The following COL25A1 variants were observed in gnomAD, a reference collection of about 807,000 sequenced individuals.
The protein encoded by COL25A1 is collagen type XXV alpha 1 chain, also known as collagen alpha-1(XXV) chain.
COL25A1 carries 103 observed loss-of-function variants against 128.4 expected under a neutral mutation model. The observed-to-expected ratio is 0.80, with a 90% CI of 0.68 to 0.94. COL25A1 has a LOEUF of 0.94. COL25A1 is among the 40% of genes least tolerant of loss of function. COL25A1 has a pLI of 0.00. For missense variants in COL25A1, 745 were observed against 840.0 expected (o/e 0.89, Z 1.40); for synonymous variants, 279 against 277.2 (o/e 1.01, Z -0.06).
intron 19 of COL25A1, among the ~76,000 whole-genome samples, chr4:108,871,341 A>G (rs1382585219): frequency 6.6e-6 from 1 of 152,138 alleles, no homozygotes; most frequent in African/African-American, 2.4e-5. Flanking sequence ...TTTTTTTGAG[A>G]CGGAGTCTCA....
At chr4:109,001,372 C>CAGGCATCTGAGATGCTGTCAGGT (rs1579043339) in intron 6 of COL25A1, among the ~76,000 whole-genome samples, 4 of 24,148 alleles carry the variant, frequency 1.7e-4, no homozygotes, top group Non-Finnish European at 3.8e-4. Flanking sequence ...TTAAAAGAAA[C>CAGGCATCTGAGATGCTGTCAGGT]AGGCATCTGA....
chr4:109,113,281 A>C (rs1767198519), intron 3 of COL25A1, among the ~76,000 whole-genome samples: 1 of 152,100 alleles, frequency 6.6e-6, no homozygotes, highest in African/African-American at 2.4e-5. Flanking sequence ...ATTTGTCACC[A>C]ATGTGCAAAC....
intron 3 of COL25A1, among the ~76,000 whole-genome samples, chr4:109,245,028 C>T (rs1780168664): frequency 6.6e-6 from 1 of 152,042 alleles, no homozygotes; most frequent in African/African-American, 2.4e-5. Context: ...CAATATGGCA[C>T]TATAATTGAC....
intron 31 of COL25A1, among the ~76,000 whole-genome samples, chr4:108,837,698 T>C (rs1339385984): frequency 6.6e-6 from 1 of 152,204 alleles, no homozygotes; most frequent in Non-Finnish European, 1.5e-5. Flanking sequence ...AACAGAGGGC[T>C]ACAGTTTTTG....
chr4:108,893,431 C>T (rs539434095), intron 16 of COL25A1, among the ~76,000 whole-genome samples: 40 of 152,258 alleles, frequency 2.6e-4, no homozygotes, highest in African/African-American at 8.2e-4. Flanking sequence ...AGTAACTCTA[C>T]GCATGACTGA....
intron 6 of COL25A1, among the ~76,000 whole-genome samples, chr4:108,999,346 C>T (rs1243060066): frequency 2.6e-5 from 4 of 152,120 alleles, no homozygotes; most frequent in Non-Finnish European, 4.4e-5. Flanking sequence ...ATTTATGCAG[C>T]CAACAGACAT....
rs1285844796 is a variant in COL25A1, at chr4:109,234,004, A to G, written c.367+66579T>C. 2.6e-5 allele frequency among the ~76,000 whole-genome samples: 4 copies of G among 152,162 alleles called. 1 individual carries two copies. The South Asian group carries it at 6.2e-4, about 24-fold the overall frequency. ...CTTCAAATATTCTGCTTTCCTACCT[A>G]TTTACTCCATACAAACTTGTTCTCA... On this transcript the variant is annotated intron_variant, in intron 3 of 37. Transcript: ENST00000399132.
chr4:109,196,714 T>C (rs1776076297), intron 3 of COL25A1, among the ~76,000 whole-genome samples: 1 of 152,190 alleles, frequency 6.6e-6, no homozygotes, highest in Non-Finnish European at 1.5e-5. Context: ...TCATCATACA[T>C]ATGTTACACT....
intron 13 of COL25A1, among the ~76,000 whole-genome samples, chr4:108,912,102 C>T (rs1165397310): frequency 6.6e-6 from 1 of 152,086 alleles, no homozygotes; most frequent in Admixed American, 6.6e-5. Flanking sequence ...AAAGAAATAT[C>T]TTGTGTTCTG....
chr4:109,210,484 C>A (rs1235954746), intron 3 of COL25A1, among the ~76,000 whole-genome samples: 1 of 152,140 alleles, frequency 6.6e-6, no homozygotes, highest in Non-Finnish European at 1.5e-5. Flanking sequence ...TTCCAAGATA[C>A]TGGCAGGCAA....
intron 36 of COL25A1, among the ~76,000 whole-genome samples, chr4:108,818,669 T>G (rs1195980524): frequency 6.6e-6 from 1 of 152,112 alleles, no homozygotes; most frequent in Non-Finnish European, 1.5e-5. Flanking sequence ...GAAAAGGTTA[T>G]GTGGCAAAGA....
chr4:109,088,277 T>C lies in COL25A1; in HGVS notation c.368-38098A>G, dbSNP rs974132392. On this transcript the variant is annotated intron_variant, in intron 3 of 37. Transcript: ENST00000399132. ...AGTCTGAATCTGTGAAAAATTAGAGTAATTATGTCTCCACAGTGAGGAGCA... is the reference window on the plus strand; with the variant it reads ...AGTCTGAATCTGTGAAAAATTAGAGCAATTATGTCTCCACAGTGAGGAGCA... 2.0e-5 allele frequency among the ~76,000 whole-genome samples: 3 copies of C among 152,020 alleles called. No homozygotes were observed. In the South Asian group the frequency reaches 6.2e-4, roughly 31 times the overall value.
intron 6 of COL25A1, among the ~76,000 whole-genome samples, chr4:109,001,376 C>CATCTGAGATCCTGTCAGGTAGGG (rs1755361596): frequency 6.6e-6 from 1 of 152,188 alleles, no homozygotes; most frequent in Non-Finnish European, 1.5e-5. Context: ...AAGAAACAGG[C>CATCTGAGATCCTGTCAGGTAGGG]ATCTGAGATC....
intron 20 of COL25A1, among the ~76,000 whole-genome samples, chr4:108,867,545 T>C (rs1160157088): frequency 6.6e-6 from 1 of 152,120 alleles, no homozygotes; most frequent in African/African-American, 2.4e-5. Flanking sequence ...TCTGATGGAG[T>C]TTCAGTCCCC....
At chr4:109,230,583 T>C (rs1256628599) in intron 3 of COL25A1, among the ~76,000 whole-genome samples, 1 of 152,196 alleles carries the variant, frequency 6.6e-6, no homozygotes, top group African/African-American at 2.4e-5. Context: ...ACAATGATGT[T>C]AATACCCACA....
intron 19 of COL25A1, among the ~76,000 whole-genome samples, chr4:108,874,806 T>A (rs1039404987): frequency 3.2e-4 from 49 of 152,162 alleles, no homozygotes; most frequent in African/African-American, 8.7e-4. Context: ...GTTGCATATA[T>A]CAGGACACCA....
intron 11 of COL25A1, among the ~76,000 whole-genome samples, chr4:108,923,590 C>G (rs1327712846): frequency 6.6e-6 from 1 of 152,204 alleles, no homozygotes; most frequent in African/African-American, 2.4e-5. Flanking sequence ...AAACGATCCT[C>G]TCACCTTGGC....
chr4:108,981,757 G>A (rs1265716608), intron 6 of COL25A1, among the ~76,000 whole-genome samples: 1 of 151,946 alleles, frequency 6.6e-6, no homozygotes, highest in Non-Finnish European at 1.5e-5. Flanking sequence ...CCACTGTTTG[G>A]CTAAAATAAA....
At chr4:109,007,510 G>A (rs993395026) in intron 6 of COL25A1, among the ~76,000 whole-genome samples, 1 of 152,030 alleles carries the variant, frequency 6.6e-6, no homozygotes, top group East Asian at 1.9e-4. Context: ...AAGATCACGT[G>A]AGGGTATGTC....
Sources: allele counts gnomAD v4.1 joint callset (sites outside exome capture counted in the v4.1 genomes callset), GRCh38; gene constraint gnomAD v4.1.1; transcripts MANE v1.5; gene names NCBI Gene and HGNC (gene_info 2026-07-23, HGNC 2026-07-21).